DAPK2: variants seen among roughly 807,000 people sequenced by gnomAD.
DAPK2 encodes the protein death associated protein kinase 2, also known as death-associated protein kinase 2.
In DAPK2, 35 loss-of-function variants were observed where a neutral mutation model predicts 44.1. That is an observed-to-expected ratio of 0.79 (90% confidence interval 0.61 to 1.05). The LOEUF is 1.05. Among genes scored for constraint, DAPK2 ranks in the 50% least tolerant of loss-of-function variants. The probability of loss-of-function intolerance (pLI) is 0.00; values close to 1 mark genes in which losing one functional copy is unlikely to be tolerated. For synonymous variants in DAPK2, 174 were observed against 182.6 expected (o/e 0.95, Z 0.38); for missense variants, 453 against 483.2 (o/e 0.94, Z 0.59).
chr15:64,026,253 AT>A (rs1022807093), intron 1 of DAPK2, among the ~76,000 whole-genome samples: 15 of 151,484 alleles, frequency 9.9e-5, no homozygotes, highest in East Asian at 3.9e-4. Flanking sequence ...TAATTAATTA[AT>A]TTTTTTTAAG....
At chr15:64,041,932 G>T (rs559344584), upstream of DAPK2, among the ~76,000 whole-genome samples, 9 of 152,326 alleles carry the variant, frequency 5.9e-5, no homozygotes, top group African/African-American at 2.2e-4. Flanking sequence ...GTGGTCACCT[G>T]CCTGTGGGTG....
intron 2 of DAPK2, among the ~76,000 whole-genome samples, chr15:63,982,745 C>G (rs1264990641): frequency 6.6e-6 from 1 of 152,212 alleles, no homozygotes; most frequent in Non-Finnish European, 1.5e-5. Flanking sequence ...GACTCAAGTC[C>G]TGGTCCTGCC....
chr15:63,988,802 G>A (rs375352145), intron 1 of DAPK2, among the ~76,000 whole-genome samples: 20 of 151,724 alleles, frequency 1.3e-4, no homozygotes, highest in East Asian at 7.8e-4. Context: ...CACCGCGCCC[G>A]GCCAGCTTTT....
chr15:63,966,128 T>C lies in DAPK2; in HGVS notation c.453+5295A>G, dbSNP rs1223534735. On this transcript the variant is annotated intron_variant, in intron 3 of 10. Transcript: ENST00000261891. This position sits in a 1 kb window ranked among gnomAD's most constrained non-coding sequence, Gnocchi z 5.5. ...TGCTGACTATTCAGGGCCCAGGGCC[T>C]CTGTAGTCAGCAGGTGATGAATCCT... Among the ~76,000 whole-genome samples the C allele has an allele frequency of 6.6e-6, 1 of 152,224 alleles. No individual in the cohort carries two copies. Among genetic ancestry groups the C allele is most frequent in the African/African-American group, 2.4e-5 (1 of 41,460 alleles).
chr15:63,963,418 A>C (rs1449328109), intron 3 of DAPK2, among the ~76,000 whole-genome samples: 1 of 152,212 alleles, frequency 6.6e-6, no homozygotes, highest in Non-Finnish European at 1.5e-5. Flanking sequence ...TGCGTCGCTC[A>C]CGCTGGGAGC....
chr15:64,041,581 G>T (rs1221738768), upstream of DAPK2, among the ~76,000 whole-genome samples: 2 of 152,158 alleles, frequency 1.3e-5, no homozygotes, highest in African/African-American at 4.8e-5. Context: ...AGGGTCTTTA[G>T]CAAAGGCCTG....
chr15:63,992,614 G>A (rs1210577454), intron 1 of DAPK2, among the ~76,000 whole-genome samples: 1 of 152,174 alleles, frequency 6.6e-6, no homozygotes, highest in Non-Finnish European at 1.5e-5. Context: ...ATTCTGTGGA[G>A]GCCCCAAATA....
chr15:63,994,520 A>C (rs2078899902), intron 1 of DAPK2, among the ~76,000 whole-genome samples: 1 of 152,060 alleles, frequency 6.6e-6, no homozygotes, highest in African/African-American at 2.4e-5. Flanking sequence ...TTTCTAAGAT[A>C]ACCATCGTTA....
At chr15:63,963,902 A>G (rs2077980723) in intron 3 of DAPK2, among the ~76,000 whole-genome samples, 1 of 152,090 alleles carries the variant, frequency 6.6e-6, no homozygotes, top group Non-Finnish European at 1.5e-5. Context: ...TTTATATCTT[A>G]TTGTACTGTC....
intron 1 of DAPK2, among the ~76,000 whole-genome samples, chr15:64,003,205 C>A (rs1595880173): frequency 6.6e-6 from 1 of 152,082 alleles, no homozygotes; most frequent in African/African-American, 2.4e-5. Flanking sequence ...GGACAGACGA[C>A]CCCCTACTGG....
intron 3 of DAPK2, among the ~76,000 whole-genome samples, chr15:63,941,453 A>G (rs1159436933): frequency 1.3e-5 from 2 of 152,156 alleles, no homozygotes; most frequent in Non-Finnish European, 2.9e-5. Context: ...TGCCCCTGCA[A>G]TGCAGAGCAC....
intron 1 of DAPK2, among the ~76,000 whole-genome samples, chr15:64,002,013 AGTAGCCC>A: frequency 6.6e-6 from 1 of 152,352 alleles, no homozygotes; most frequent in African/African-American, 2.4e-5. Context: ...TGTGAATAAA[AGTAGCCC>A]TTGAAGAGCA....
At chr15:63,940,501 A>G (rs1235905438) in intron 3 of DAPK2, among the ~76,000 whole-genome samples, 2 of 152,170 alleles carry the variant, frequency 1.3e-5, no homozygotes, top group African/African-American at 4.8e-5. Flanking sequence ...ACTTGAGGTC[A>G]GGAGTTTGAG....
At chr15:64,038,028 T>G (rs780445531) in intron 1 of DAPK2, among the ~76,000 whole-genome samples, 5 of 152,144 alleles carry the variant, frequency 3.3e-5, no homozygotes, top group Non-Finnish European at 5.9e-5. Context: ...TGAGGTCTCT[T>G]CCGGGTCTAA....
intron 1 of DAPK2, among the ~76,000 whole-genome samples, chr15:64,005,505 A>G (rs541731161): frequency 6.6e-6 from 1 of 152,072 alleles, no homozygotes; most frequent in Admixed American, 6.5e-5. Flanking sequence ...GAATGTCTGA[A>G]GCAACTCAGA....
At chr15:63,959,625 G>C (rs746804122) in intron 3 of DAPK2, among the ~76,000 whole-genome samples, 10 of 152,118 alleles carry the variant, frequency 6.6e-5, no homozygotes, top group Non-Finnish European at 1.0e-4. Flanking sequence ...TGTGGTTTTC[G>C]TCTTTGGTTC....
At chr15:64,008,605 T>C (rs1204122267) in intron 1 of DAPK2, among the ~76,000 whole-genome samples, 2 of 152,196 alleles carry the variant, frequency 1.3e-5, no homozygotes, top group Non-Finnish European at 1.5e-5. Context: ...GACAATTATA[T>C]AAACATTAAA....
At chr15:63,965,341 G>A (rs970186540) in intron 3 of DAPK2, among the ~76,000 whole-genome samples, 1 of 152,240 alleles carries the variant, frequency 6.6e-6, no homozygotes, top group Non-Finnish European at 1.5e-5. Context: ...ACCTGCCTGG[G>A]GCTAGGGGAG....
Position 63,939,501 on chromosome 15 carries a change from A to G in DAPK2, c.454-140T>C. The G allele has an allele frequency of 1.3e-6, 1 of 755,630 alleles. No individual in the cohort carries two copies. The highest frequency in any genetic ancestry group is 2.7e-5 in the East Asian group (1 of 36,580). 46.8% of individuals were successfully genotyped at this position (755,630 alleles called of 1,614,324 possible). ...GTTCTTTTTAGGAGACTGAAACAGC[A>G]TAAACTCTTCCTTGTTTTTGGTCCT... On this transcript the variant is annotated intron_variant, in intron 3 of 10. Coordinates refer to ENST00000261891, the Ensembl canonical transcript of DAPK2. The surrounding 1 kb of genome is among the most constrained non-coding windows in gnomAD (Gnocchi z 4.3).
Sources: allele counts gnomAD v4.1 joint callset (sites outside exome capture counted in the v4.1 genomes callset), GRCh38; gene constraint gnomAD v4.1.1; non-coding constraint Gnocchi (gnomAD v3.1); transcripts MANE v1.5; gene names NCBI Gene and HGNC (gene_info 2026-07-23, HGNC 2026-07-21).